TRPC4: variants seen among roughly 807,000 people sequenced by gnomAD.
TRPC4 encodes short transient receptor potential channel 4.
Under a neutral mutation model 99.4 loss-of-function variants are expected in TRPC4, and 49 were observed. The ratio of observed to expected loss-of-function variants is 0.49; its 90% confidence interval spans 0.39 to 0.63. The LOEUF (loss-of-function observed/expected upper bound fraction) is 0.63. TRPC4 is among the 20% of genes least tolerant of loss of function. The pLI is 0.00. For missense variants in TRPC4, 898 were observed against 1,152.9 expected, an observed-to-expected ratio of 0.78 and a Z score of 3.20; for synonymous variants, 454 against 425.9, an observed-to-expected ratio of 1.07 and a Z score of -0.81.
chr13:37,864,535 C>T (rs1371304061), intron 1 of TRPC4, among the ~76,000 whole-genome samples: 1 of 151,520 alleles, frequency 6.6e-6, no homozygotes, highest in African/African-American at 2.4e-5. Context: ...TAGCCAAGTA[C>T]AATATTATGA....
At chr13:37,692,384 G>A in intron 3 of TRPC4, 49 bp from the exon 4 acceptor site, 1 of 1,498,342 alleles carries the variant, frequency 6.7e-7, no homozygotes, top group Non-Finnish European at 9.1e-7. Flanking sequence ...GTTACATGGA[G>A]TGGCCTCAAT....
intron 2 of TRPC4, among the ~76,000 whole-genome samples, chr13:37,770,211 C>T (rs1956510779): frequency 6.6e-6 from 1 of 151,320 alleles, no homozygotes; most frequent in African/African-American, 2.4e-5. Context: ...GAATTTCAGG[C>T]CTGACTCAAG....
chr13:37,785,464 C>T (rs1455920985), intron 1 of TRPC4, among the ~76,000 whole-genome samples: 1 of 152,024 alleles, frequency 6.6e-6, no homozygotes, highest in African/African-American at 2.4e-5. Context: ...TCTTTCTTAT[C>T]CATGATTCTT....
chr13:37,764,853 C>A (rs1415723712), intron 2 of TRPC4, among the ~76,000 whole-genome samples: 2 of 121,636 alleles, frequency 1.6e-5, no homozygotes, highest in Non-Finnish European at 3.4e-5. Flanking sequence ...TCATGTGTTT[C>A]TTTCACCTTT....
intron 3 of TRPC4, among the ~76,000 whole-genome samples, chr13:37,718,586 A>G (rs760634545): frequency 9.2e-5 from 14 of 152,140 alleles, no homozygotes; most frequent in Non-Finnish European, 1.9e-4. Flanking sequence ...TAGAAATTAT[A>G]AAACAGCAAA....
intron 1 of TRPC4, among the ~76,000 whole-genome samples, chr13:37,789,684 T>TC (rs1362193072): frequency 6.4e-5 from 8 of 124,568 alleles, no homozygotes; most frequent in Non-Finnish European, 1.5e-4. Context: ...ATACTTTATT[T>TC]CTTTTTTTTT....
intron 2 of TRPC4, among the ~76,000 whole-genome samples, chr13:37,751,965 A>T (rs1318995118): frequency 6.6e-6 from 1 of 150,622 alleles, no homozygotes; most frequent in East Asian, 2.0e-4. Context: ...TTAATCTGAA[A>T]CTTTCAGTTC....
At position 37,632,464 on chromosome 13, in the gene TRPC4, C is replaced by T. The variant is rs1951417153; in HGVS notation, c.*4439G>A. ...CACATCTTAATTCAGACTTGTCACA[C>T]TTACAAGTGATTAATAGCCGTATGA... On this transcript the variant is annotated 3_prime_UTR_variant, in exon 11 of 11. Transcript: ENST00000379705. Among the ~76,000 whole-genome samples the T allele has an allele frequency of 6.6e-6, 1 of 152,198 alleles. No individual in the cohort carries two copies.
rs1044275329 is a variant in TRPC4, at chr13:37,747,700, A to G, written c.379-1245T>C. ...ACACACATTTTAAAGTCATCTGGCC[A>G]TATAGGATATCCATTGGTTTCATGA... is the stretch of plus-strand genomic sequence containing the variant. On this transcript the variant is annotated intron_variant, in intron 2 of 10. Coordinates refer to ENST00000379705, the MANE Select transcript of TRPC4 (RefSeq NM_016179.4). 2.6e-5 allele frequency among the ~76,000 whole-genome samples: 4 copies of G among 152,306 alleles called. No homozygotes were observed. In the East Asian group the frequency reaches 7.7e-4, roughly 29 times the overall value.
intron 1 of TRPC4, among the ~76,000 whole-genome samples, chr13:37,860,548 T>C (rs1424367430): frequency 6.6e-6 from 1 of 151,500 alleles, no homozygotes; most frequent in Non-Finnish European, 1.5e-5. Flanking sequence ...AATGTCTATG[T>C]CCAACCTATG....
intron 1 of TRPC4, among the ~76,000 whole-genome samples, chr13:37,808,992 G>T (rs1433838723): frequency 6.6e-6 from 1 of 152,102 alleles, no homozygotes; most frequent in Non-Finnish European, 1.5e-5. Flanking sequence ...TTCAAAAGGG[G>T]ATTGACTTCT....
At chr13:37,653,222 T>A (rs903201227) in intron 7 of TRPC4, among the ~76,000 whole-genome samples, 1 of 152,164 alleles carries the variant, frequency 6.6e-6, no homozygotes, top group Non-Finnish European at 1.5e-5. Flanking sequence ...ATCCCGAAAA[T>A]TAAGCATGTT....
intron 3 of TRPC4, among the ~76,000 whole-genome samples, chr13:37,724,124 A>G (rs751336419): frequency 6.6e-5 from 10 of 152,156 alleles, no homozygotes; most frequent in Non-Finnish European, 1.5e-4. Context: ...AATAAAGTAA[A>G]TATGTAATTA....
chr13:37,787,691 G>A (rs1957006865), intron 1 of TRPC4, among the ~76,000 whole-genome samples: 1 of 151,966 alleles, frequency 6.6e-6, no homozygotes, highest in Non-Finnish European at 1.5e-5. Context: ...AAATTTCTTT[G>A]AGAAGTTGTA....
At chr13:37,832,200 A>G (rs1181928927) in intron 1 of TRPC4, among the ~76,000 whole-genome samples, 1 of 152,286 alleles carries the variant, frequency 6.6e-6, no homozygotes, top group South Asian at 2.1e-4. Flanking sequence ...TTTTTAAATG[A>G]CACGATATTG....
At chr13:37,730,278 C>CAT (rs764705556) in intron 3 of TRPC4, among the ~76,000 whole-genome samples, 32 of 151,448 alleles carry the variant, frequency 2.1e-4, no homozygotes, top group African/African-American at 2.9e-4. Flanking sequence ...TTATTACTTA[C>CAT]ATATATATAT....
chr13:37,717,826 C>A (rs933159533), intron 3 of TRPC4, among the ~76,000 whole-genome samples: 2 of 151,846 alleles, frequency 1.3e-5, no homozygotes, highest in Non-Finnish European at 2.9e-5. Context: ...TAGACCAACC[C>A]CCCCGAAAAG....
At chr13:37,811,097 T>G (rs1463574676) in intron 1 of TRPC4, among the ~76,000 whole-genome samples, 6 of 152,116 alleles carry the variant, frequency 3.9e-5, no homozygotes, top group African/African-American at 1.4e-4. Flanking sequence ...TGTGACAAAG[T>G]TTTTTAGTTG....
At chr13:37,829,103 A>G (rs1958334555) in intron 1 of TRPC4, among the ~76,000 whole-genome samples, 1 of 152,206 alleles carries the variant, frequency 6.6e-6, no homozygotes, top group Non-Finnish European at 1.5e-5. Flanking sequence ...ACCAAAGAAA[A>G]AATAGATAAG....
Sources: allele counts gnomAD v4.1 joint callset (sites outside exome capture counted in the v4.1 genomes callset), GRCh38; gene constraint gnomAD v4.1.1; transcripts MANE v1.5; gene names NCBI Gene and HGNC (gene_info 2026-07-23, HGNC 2026-07-21).